GLIS3: variants seen among roughly 807,000 people sequenced by gnomAD.
The protein encoded by GLIS3 is GLIS family zinc finger 3, also known as zinc finger protein GLIS3.
In GLIS3, 53 loss-of-function variants were observed where a neutral mutation model predicts 78.6. That is an observed-to-expected ratio of 0.67 (90% CI 0.54 to 0.85). The LOEUF is 0.85. Ranked by LOEUF, GLIS3 falls within the 40% of genes least tolerant of loss-of-function variation. The probability of loss-of-function intolerance (pLI) is 0.00; values close to 1 mark genes in which losing one functional copy is unlikely to be tolerated. For missense variants in GLIS3, 1,703 were observed against 1,231.1 expected, an observed-to-expected ratio of 1.38 and a Z score of -5.74; for synonymous variants, 684 against 509.9, an observed-to-expected ratio of 1.34 and a Z score of -4.60.
chr9:4,361,553 G>A, the GLIS3 span, among the ~76,000 whole-genome samples: 2 of 152,192 alleles, frequency 1.3e-5, no homozygotes, highest in Non-Finnish European at 2.9e-5. Flanking sequence ...AGGCTGTGGT[G>A]TATTAACCAC....
intron 2 of GLIS3, among the ~76,000 whole-genome samples, chr9:4,334,017 G>A (rs527304589): frequency 1.3e-5 from 2 of 152,252 alleles, no homozygotes; most frequent in African/African-American, 4.8e-5. Context: ...TAAGTGCTTA[G>A]AAACAAAAGT....
At chr9:4,298,800 G>C (rs1816844569) in intron 1 of GLIS3, among the ~76,000 whole-genome samples, 1 of 152,268 alleles carries the variant, frequency 6.6e-6, no homozygotes, top group African/African-American at 2.4e-5. Flanking sequence ...CGCCGGGCCG[G>C]TACCCGCGAG....
the GLIS3 span, among the ~76,000 whole-genome samples, chr9:4,404,340 T>A: frequency 1.3e-5 from 2 of 152,146 alleles, no homozygotes; most frequent in Non-Finnish European, 2.9e-5. Flanking sequence ...CAAATAAACA[T>A]TGGACTAAAT....
chr9:4,441,311 TG>T, the GLIS3 span, among the ~76,000 whole-genome samples: 1 of 152,218 alleles, frequency 6.6e-6, no homozygotes, highest in African/African-American at 2.4e-5. Context: ...GCTTTTATTG[TG>T]TTGAGGCACA....
At chr9:4,239,517 T>A (rs1246279044) in intron 2 of GLIS3, among the ~76,000 whole-genome samples, 1 of 152,124 alleles carries the variant, frequency 6.6e-6, no homozygotes, top group African/African-American at 2.4e-5. Flanking sequence ...GAGAAAACAT[T>A]TGTGACAACC....
chr9:4,114,031 C>T (rs75897109), intron 4 of GLIS3, among the ~76,000 whole-genome samples: 8 of 151,960 alleles, frequency 5.3e-5, no homozygotes, highest in African/African-American at 1.5e-4. Context: ...CACGTTCCCC[C>T]AATTCCCTTA....
intron 2 of GLIS3, among the ~76,000 whole-genome samples, chr9:4,217,588 C>G (rs1023278266): frequency 9.2e-5 from 14 of 152,186 alleles, no homozygotes; most frequent in African/African-American, 3.4e-4. Context: ...GTACCCTCAG[C>G]TCCCCACAGT....
chr9:4,162,969 T>C (rs1469206008), intron 2 of GLIS3, among the ~76,000 whole-genome samples: 1 of 151,256 alleles, frequency 6.6e-6, no homozygotes, highest in Non-Finnish European at 1.5e-5. Flanking sequence ...TAATCTCTTC[T>C]CTGGACCCAG....
intron 2 of GLIS3, among the ~76,000 whole-genome samples, chr9:4,153,548 A>G (rs1834838879): frequency 6.6e-6 from 1 of 152,212 alleles, no homozygotes; most frequent in South Asian, 2.1e-4. Flanking sequence ...TGGGCAACAC[A>G]GTGAGACTCT....
chr9:4,085,692 G>T (rs1486715318), intron 4 of GLIS3, among the ~76,000 whole-genome samples: 2 of 152,172 alleles, frequency 1.3e-5, no homozygotes, highest in Admixed American at 6.5e-5. Context: ...CTCATGAATG[G>T]TTTAGCGCTA....
chr9:4,240,089 T>C (rs1055079843), intron 2 of GLIS3, among the ~76,000 whole-genome samples: 4 of 152,034 alleles, frequency 2.6e-5, no homozygotes, highest in Non-Finnish European at 5.9e-5. Context: ...GACACATATT[T>C]TATCCTTCTT....
chr9:4,012,961 C>T (rs111477934), intron 4 of GLIS3, among the ~76,000 whole-genome samples: 2,433 of 151,826 alleles, frequency 0.016, 89 homozygotes, highest in African/African-American at 0.056. Context: ...TAAGTAGAGA[C>T]GGGGTTTTGC....
At chr9:4,488,589 G>C in the GLIS3 span, among the ~76,000 whole-genome samples, 1 of 151,760 alleles carries the variant, frequency 6.6e-6, no homozygotes, top group Non-Finnish European at 1.5e-5. Flanking sequence ...GCGTGATCTC[G>C]GCTCACCGCA....
At chr9:3,842,506 A>C (rs1283331158) in intron 9 of GLIS3, among the ~76,000 whole-genome samples, 1 of 152,178 alleles carries the variant, frequency 6.6e-6, no homozygotes, top group African/African-American at 2.4e-5. Flanking sequence ...GGGAGGAGGA[A>C]GCTAGAGAGT....
chr9:3,869,266 G>GGTGT lies in GLIS3; in HGVS notation c.2297+10157_2297+10160dup, dbSNP rs58818313. ...AAGAGAGTGAGAAAAAATTATCTAG[G>GGTGT]GTGTGTGTGTGTGTGTGTGTGTGTG... On this transcript the variant is annotated intron_variant, in intron 8 of 10. Coordinates refer to ENST00000381971, the MANE Select transcript of GLIS3 (RefSeq NM_001042413.2). Among the ~76,000 whole-genome samples, 794 of 151,220 alleles carry GGTGT rather than the reference G, an allele frequency of 5.3e-3. 3 individuals carry two copies. The highest frequency in any genetic ancestry group is 0.014 in the South Asian group (65 of 4,764).
Position 4,118,887 on chromosome 9 carries a change from A to G in GLIS3, c.597-6T>C. 1 of 1,600,634 alleles carries G rather than the reference A, an allele frequency of 6.2e-7. No homozygotes were observed. Among genetic ancestry groups the G allele is most frequent in the Admixed American group, 1.7e-5 (1 of 59,990 alleles). Reference sequence around the variant, plus strand: ...ACTCACGCGAAATAAGGGACCTGGAACAGCAGCCAGAAAGGAAGAAAAAAA... The same window carrying G: ...ACTCACGCGAAATAAGGGACCTGGAGCAGCAGCCAGAAAGGAAGAAAAAAA... On this transcript the variant is annotated splice_polypyrimidine_tract_variant and splice_region_variant and intron_variant, in intron 3 of 10. Coordinates refer to ENST00000381971, the MANE Select transcript of GLIS3 (RefSeq NM_001042413.2). This position sits in a 1 kb window ranked among gnomAD's most constrained non-coding sequence, Gnocchi z 4.7.
chr9:4,003,513 G>A (rs1821284640), intron 4 of GLIS3, among the ~76,000 whole-genome samples: 1 of 152,150 alleles, frequency 6.6e-6, no homozygotes, highest in South Asian at 2.1e-4. Context: ...TTATAGAATT[G>A]CATGCTATAA....
At chr9:4,271,184 G>T (rs770175159) in intron 2 of GLIS3, among the ~76,000 whole-genome samples, 2 of 152,002 alleles carry the variant, frequency 1.3e-5, no homozygotes, top group African/African-American at 2.4e-5. Flanking sequence ...TAGAAACGGG[G>T]GCAGGAAGTA....
chr9:4,154,792 G>C (rs1427597493), intron 2 of GLIS3, among the ~76,000 whole-genome samples: 2 of 152,148 alleles, frequency 1.3e-5, no homozygotes, highest in South Asian at 2.1e-4. Context: ...ATGTTCATCT[G>C]ACCAAATAAT....
Sources: gnomAD v4.1 joint callset for allele counts (sites outside exome capture counted in the v4.1 genomes callset) on GRCh38, gnomAD v4.1.1 for gene constraint, Gnocchi (gnomAD v3.1) non-coding constraint, MANE v1.5 for transcripts, NCBI Gene and HGNC (gene_info 2026-07-23, HGNC 2026-07-21) for gene names.